The following DHRSX variants were observed in gnomAD, a reference collection of about 807,000 sequenced individuals.
DHRSX encodes dehydrogenase/reductase X-linked, also known as polyprenol dehydrogenase.
In DHRSX, 31 loss-of-function variants were observed where a neutral mutation model predicts 34.0. That is an observed-to-expected ratio of 0.91 (90% CI 0.69 to 1.23). The LOEUF is 1.23. Ranked by LOEUF, DHRSX falls within the 50% of genes most tolerant of loss-of-function variation. The pLI is 0.00. For missense variants in DHRSX, 414 were observed against 428.1 expected (o/e 0.97, Z 0.29); for synonymous variants, 201 against 183.8 (o/e 1.09, Z -0.76).
At chrX:2,258,778 A>T (rs963764573) in intron 5 of DHRSX, among the ~76,000 whole-genome samples, 4 of 152,274 alleles carry the variant, frequency 2.6e-5, no homozygotes, top group Admixed American at 6.5e-5. Context: ...AGTGCCGTCA[A>T]CGAAGAACAG....
intron 3 of DHRSX, among the ~76,000 whole-genome samples, chrX:2,293,803 A>G (rs1034487708): frequency 6.6e-6 from 1 of 151,956 alleles, no homozygotes; most frequent in East Asian, 1.9e-4. Flanking sequence ...TCAGAGGATA[A>G]GCAGTGTGTG....
At chrX:2,346,103 C>G (rs2042706746) in intron 3 of DHRSX, among the ~76,000 whole-genome samples, 1 of 152,080 alleles carries the variant, frequency 6.6e-6, no homozygotes, top group Non-Finnish European at 1.5e-5. Flanking sequence ...AGCTCTTTGC[C>G]TCCTTGTAGA....
chrX:2,490,064 C>A, intron 1 of DHRSX: 1 of 1,613,770 alleles, frequency 6.2e-7, no homozygotes, highest in Non-Finnish European at 8.5e-7. Flanking sequence ...GGCGCCCAGG[C>A]CCAGGAAGTG....
At chrX:2,439,273 G>A (rs1379158864) in intron 1 of DHRSX, among the ~76,000 whole-genome samples, 1 of 151,916 alleles carries the variant, frequency 6.6e-6, no homozygotes, top group Admixed American at 6.6e-5. Context: ...TACGAGAATT[G>A]GACTGCAGAG....
At chrX:2,284,132 ATTTGAATTCATTCATTCATTCC>A (rs1246655257) in intron 4 of DHRSX, among the ~76,000 whole-genome samples, 2 of 152,186 alleles carry the variant, frequency 1.3e-5, no homozygotes, top group South Asian at 2.1e-4. Context: ...AGATTCACTC[ATTTGAATTCATTCATTCATTCC>A]TTTGAATTCA....
intron 5 of DHRSX, among the ~76,000 whole-genome samples, chrX:2,257,474 A>G (rs1164447422): frequency 2.0e-5 from 3 of 152,306 alleles, no homozygotes; most frequent in East Asian, 3.9e-4. Context: ...GGGCTCCTAC[A>G]GTAATACAGA....
At chrX:2,283,019 CAGAG>C (rs1026919033) in intron 4 of DHRSX, among the ~76,000 whole-genome samples, 5 of 149,868 alleles carry the variant, frequency 3.3e-5, no homozygotes, top group African/African-American at 9.8e-5. Flanking sequence ...GAGAGAATGA[CAGAG>C]AGACGGGGAG....
intron 1 of DHRSX, among the ~76,000 whole-genome samples, chrX:2,432,086 C>G (rs28369610): frequency 1.3e-5 from 2 of 151,872 alleles, no homozygotes; most frequent in Non-Finnish European, 2.9e-5. Context: ...CCCAGCGACT[C>G]GGGAGGCTGA....
chrX:2,379,595 G>GTTTTTTTTTTTTTTTTTTTTTTT (rs749144665), intron 3 of DHRSX, among the ~76,000 whole-genome samples: 4 of 103,914 alleles, frequency 3.8e-5, no homozygotes, highest in Non-Finnish European at 8.1e-5. Flanking sequence ...GGCAGTGGAG[G>GTTTTTTTTTTTTTTTTTTTTTTT]TTTTTTTTTT....
chrX:2,498,513 G>A (rs958406141), intron 1 of DHRSX, among the ~76,000 whole-genome samples: 1 of 151,844 alleles, frequency 6.6e-6, no homozygotes, highest in Non-Finnish European at 1.5e-5. Context: ...CTTTAGAGAA[G>A]GCCATTCTGT....
At chrX:2,308,048 C>T (rs2042121258) in intron 3 of DHRSX, among the ~76,000 whole-genome samples, 1 of 152,022 alleles carries the variant, frequency 6.6e-6, no homozygotes, top group Non-Finnish European at 1.5e-5. Flanking sequence ...CCTGGAGTAC[C>T]TTCAACGATA....
chrX:2,345,111 C>G (rs1436356667), intron 3 of DHRSX, among the ~76,000 whole-genome samples: 3 of 151,772 alleles, frequency 2.0e-5, no homozygotes, highest in Non-Finnish European at 4.4e-5. Flanking sequence ...ATGGCTTCCC[C>G]TGCCTCTTGA....
intron 6 of DHRSX, among the ~76,000 whole-genome samples, chrX:2,224,766 ACT>A (rs1281747136): frequency 1.1e-4 from 16 of 151,976 alleles, no homozygotes; most frequent in Non-Finnish European, 8.8e-5. Context: ...GCACATGCAT[ACT>A]CACACTCATT....
At chrX:2,435,660 G>A (rs1403107441) in intron 1 of DHRSX, among the ~76,000 whole-genome samples, 2 of 152,164 alleles carry the variant, frequency 1.3e-5, no homozygotes, top group East Asian at 3.9e-4. Flanking sequence ...AGGTACGTGG[G>A]AGGCTGAGAT....
At chrX:2,490,002 C>T (rs372217420) in intron 1 of DHRSX, 35 of 1,613,764 alleles carry the variant, frequency 2.2e-5, no homozygotes, top group East Asian at 4.5e-5. Flanking sequence ...GTGTTCTCTT[C>T]GGGCACCTCG....
intron 1 of DHRSX, among the ~76,000 whole-genome samples, chrX:2,478,311 C>T (rs375050898): frequency 6.7e-6 from 1 of 148,614 alleles, no homozygotes; most frequent in Non-Finnish European, 1.5e-5. Context: ...ATGAGAGTCA[C>T]AGACACCCAG....
chrX:2,285,664 C>A (rs1051422000), intron 4 of DHRSX, among the ~76,000 whole-genome samples: 2 of 152,130 alleles, frequency 1.3e-5, no homozygotes, highest in African/African-American at 4.8e-5. Flanking sequence ...GGTCTGCAGA[C>A]CCCCTACTAG....
At chrX:2,370,590 G>GAAGAAAAAAAAAAA (rs2043045564) in intron 3 of DHRSX, among the ~76,000 whole-genome samples, 1 of 132,696 alleles carries the variant, frequency 7.5e-6, no homozygotes, top group Non-Finnish European at 1.6e-5. Context: ...TGGTTTTACT[G>GAAGAAAAAAAAAAA]AAAAAAAAAA....
intron 2 of DHRSX, among the ~76,000 whole-genome samples, chrX:2,424,506 AC>A (rs2124650265): frequency 6.6e-6 from 1 of 152,220 alleles, no homozygotes; most frequent in African/African-American, 2.4e-5. Context: ...CCCTACTTAC[AC>A]TGTGATATTG....
Sources: allele counts gnomAD v4.1 joint callset (sites outside exome capture counted in the v4.1 genomes callset), GRCh38; gene constraint gnomAD v4.1.1; transcripts MANE v1.5; gene names NCBI Gene and HGNC (gene_info 2026-07-23, HGNC 2026-07-21).